Variants in TBL1X observed in about 807,000 individuals in gnomAD.
TBL1X encodes the protein F-box-like/WD repeat-containing protein TBL1X.
A neutral mutation model predicts 50.7 loss-of-function variants in TBL1X; 10 were observed. That is an observed-to-expected ratio of 0.20 (90% CI 0.12 to 0.33). The LOEUF is 0.33. Among genes scored for constraint, TBL1X ranks in the 10% least tolerant of loss-of-function variants. The probability of loss-of-function intolerance (pLI) is 1.00; values close to 1 mark genes in which losing one functional copy is unlikely to be tolerated. For missense variants in TBL1X, 340 were observed against 504.4 expected, an observed-to-expected ratio of 0.67 and a Z score of 3.12; for synonymous variants, 190 against 214.7, an observed-to-expected ratio of 0.88 and a Z score of 1.01.
intron 1 of TBL1X, among the ~76,000 whole-genome samples, chrX:9,474,469 A>G (rs968607327): frequency 8.8e-6 from 1 of 113,486 alleles, no homozygotes; most frequent in African/African-American, 3.2e-5. Flanking sequence ...AGGACTGGAC[A>G]TCGTTCCAGA....
At chrX:9,578,535 G>A (rs182963438) in intron 2 of TBL1X, among the ~76,000 whole-genome samples, 13 of 111,698 alleles carry the variant, frequency 1.2e-4, no homozygotes, top group East Asian at 5.7e-4. Flanking sequence ...AAAGGAGCAC[G>A]AGGAGACGGG....
chrX:9,689,002 G>T (rs183247501), intron 7 of TBL1X, among the ~76,000 whole-genome samples: 9 of 111,411 alleles, frequency 8.1e-5, no homozygotes, highest in Admixed American at 1.9e-4. Flanking sequence ...GTATGCATGC[G>T]TGTGCGTGTA....
chrX:9,658,683 C>T (rs1052569044), intron 5 of TBL1X, among the ~76,000 whole-genome samples: 7 of 111,889 alleles, frequency 6.3e-5, no homozygotes, highest in Admixed American at 1.9e-4. Context: ...ACTTGCAAAA[C>T]GGTATGAGGA....
At chrX:9,621,036 G>A (rs2082664324) in intron 2 of TBL1X, among the ~76,000 whole-genome samples, 1 of 111,944 alleles carries the variant, frequency 8.9e-6, no homozygotes, top group African/African-American at 3.3e-5. Context: ...AGGGAGGTGT[G>A]ACTTATGGAG....
chrX:9,545,000 C>CTTTTTTT (rs34726098), intron 2 of TBL1X, among the ~76,000 whole-genome samples: 5 of 71,751 alleles, frequency 7.0e-5, no homozygotes, highest in Non-Finnish European at 1.3e-4. Flanking sequence ...TTTCCCCCCA[C>CTTTTTTT]TTTTTTTTTT....
intron 3 of TBL1X, among the ~76,000 whole-genome samples, chrX:9,642,430 C>G (rs1485196460): frequency 8.9e-6 from 1 of 112,036 alleles, no homozygotes; most frequent in East Asian, 2.8e-4. Context: ...GTGAGGGCTT[C>G]TAACGGTTTC....
At chrX:9,646,286 A>G (rs140122945) in intron 3 of TBL1X, among the ~76,000 whole-genome samples, 1,144 of 112,332 alleles carry the variant, frequency 0.01, 19 homozygotes, top group African/African-American at 0.035. Flanking sequence ...TGTCTTCTTT[A>G]CAATTACATA....
chrX:9,470,405 C>G (rs867749674), intron 1 of TBL1X, among the ~76,000 whole-genome samples: 30 of 112,709 alleles, frequency 2.7e-4, no homozygotes, highest in Middle Eastern at 4.6e-3. Flanking sequence ...GAGGCATGTG[C>G]CACCACACCT....
chrX:9,690,987 C>T (rs1378587842), intron 7 of TBL1X, among the ~76,000 whole-genome samples: 1 of 111,790 alleles, frequency 8.9e-6, no homozygotes, highest in Non-Finnish European at 1.9e-5. Flanking sequence ...TCAAGCAGTC[C>T]TCCCTCCTCA....
rs938220790 is a variant in TBL1X, at chrX:9,621,321, A to G, written c.-130-18952A>G. ...GCCTTTCAGAAACTCAGGGTGCCCA[A>G]AGCATTTCCAAAATCATTTAACACC... On this transcript the variant is annotated intron_variant, in intron 2 of 17. Coordinates refer to ENST00000645353, the MANE Select transcript of TBL1X (RefSeq NM_005647.4). 7.1e-5 allele frequency among the ~76,000 whole-genome samples: 8 copies of G among 112,070 alleles called. No individual in the cohort carries two copies. The Middle Eastern group carries it at 0.013, about 176-fold the overall frequency.
At chrX:9,576,714 A>C (rs1425279403) in intron 2 of TBL1X, among the ~76,000 whole-genome samples, 1 of 107,978 alleles carries the variant, frequency 9.3e-6, no homozygotes, top group African/African-American at 3.4e-5. Flanking sequence ...AAAAAAAAAA[A>C]AACATCGGAC....
intron 2 of TBL1X, among the ~76,000 whole-genome samples, chrX:9,614,002 AAG>A (rs2082627637): frequency 9.3e-6 from 1 of 108,086 alleles, no homozygotes. Context: ...AAAAAAAAAA[AAG>A]AAAAGAAAAA....
chrX:9,529,085 A>G lies in TBL1X; in HGVS notation c.-131+27236A>G, dbSNP rs747954358. Among the ~76,000 whole-genome samples, 9 of 111,963 alleles carry G rather than the reference A, an allele frequency of 8.0e-5. No individual in the cohort carries two copies. The East Asian group carries it at 2.2e-3, about 28-fold the overall frequency. On this transcript the variant is annotated intron_variant, in intron 2 of 17. Coordinates refer to ENST00000645353, the MANE Select transcript of TBL1X (RefSeq NM_005647.4). The stretch of plus-strand genomic sequence containing the variant: ...TGGAAAACAATTTCAAAATTAGCAT[A>G]TGGCTTGTTAAAATTAAATCACAAA...
chrX:9,669,750 C>T (rs1307424629), intron 5 of TBL1X, among the ~76,000 whole-genome samples: 2 of 111,302 alleles, frequency 1.8e-5, no homozygotes, highest in African/African-American at 6.5e-5. Context: ...ACCCACTATG[C>T]CCACTGTCAG....
At chrX:9,536,603 A>G (rs918773482) in intron 2 of TBL1X, among the ~76,000 whole-genome samples, 2 of 111,670 alleles carry the variant, frequency 1.8e-5, no homozygotes, top group Non-Finnish European at 3.8e-5. Context: ...AATGCCCTGT[A>G]AAGTTAAATA....
At chrX:9,490,448 A>G (rs1051396187) in intron 1 of TBL1X, among the ~76,000 whole-genome samples, 1 of 112,190 alleles carries the variant, frequency 8.9e-6, no homozygotes, top group African/African-American at 3.2e-5. Context: ...GGGTTCCACT[A>G]AGCACTGTAA....
chrX:9,485,104 C>A (rs924588883), intron 1 of TBL1X, among the ~76,000 whole-genome samples: 1 of 109,587 alleles, frequency 9.1e-6, no homozygotes, highest in African/African-American at 3.3e-5. Context: ...ATACTCCCCC[C>A]AAAACCCCAG....
At chrX:9,638,652 A>ATTGC (rs1183615245) in intron 2 of TBL1X, among the ~76,000 whole-genome samples, 1 of 112,212 alleles carries the variant, frequency 8.9e-6, no homozygotes, top group Non-Finnish European at 1.9e-5. Context: ...TTTGATTGCA[A>ATTGC]GCTTTCTTCT....
At chrX:9,518,265 A>G (rs192542530) in intron 2 of TBL1X, among the ~76,000 whole-genome samples, 1 of 112,054 alleles carries the variant, frequency 8.9e-6, no homozygotes, top group African/African-American at 3.2e-5. Flanking sequence ...GGCAACAGAC[A>G]CTGTCTGTCT....
Sources: allele counts gnomAD v4.1 joint callset (sites outside exome capture counted in the v4.1 genomes callset), GRCh38; gene constraint gnomAD v4.1.1; transcripts MANE v1.5; gene names NCBI Gene and HGNC (gene_info 2026-07-23, HGNC 2026-07-21).